Variants in CYRIB observed in about 807,000 individuals in gnomAD.
CYRIB encodes the protein CYFIP-related Rac1 interactor B.
A neutral mutation model predicts 44.2 loss-of-function variants in CYRIB; 8 were observed. The observed-to-expected ratio is 0.18, with a 90% confidence interval of 0.11 to 0.33. CYRIB has a LOEUF of 0.33. Among genes scored for constraint, CYRIB ranks in the 10% least tolerant of loss-of-function variants. The pLI, the probability that CYRIB is intolerant of heterozygous loss-of-function variation, is 1.00. For synonymous variants in CYRIB, 131 were observed against 127.2 expected (o/e 1.03, Z -0.20); for missense variants, 185 against 382.8 (o/e 0.48, Z 4.31).
chr8:129,925,305 C>T (rs576130130), intron 1 of CYRIB, among the ~76,000 whole-genome samples: 34 of 152,122 alleles, frequency 2.2e-4, no homozygotes, highest in Non-Finnish European at 4.0e-4. Flanking sequence ...GGCTGAGGCA[C>T]GAGAATTGCT....
intron 1 of CYRIB, among the ~76,000 whole-genome samples, chr8:129,915,413 T>C (rs1423878692): frequency 6.6e-6 from 1 of 152,166 alleles, no homozygotes; most frequent in Non-Finnish European, 1.5e-5. Flanking sequence ...TGAGTCCTCA[T>C]ATATAAGATT....
chr8:129,853,279 T>G (rs1240271034), intron 7 of CYRIB, among the ~76,000 whole-genome samples: 1 of 152,196 alleles, frequency 6.6e-6, no homozygotes, highest in African/African-American at 2.4e-5. Flanking sequence ...TTTTACATGG[T>G]AGGTATGAAA....
In CYRIB at chr8:129,867,069, G is replaced by A. The variant is rs966101296; in HGVS notation, c.195+4306C>T. ...TTTGGGACGCTGAGACAGAAGGATC[G>A]CTTGAGGCCAGGAGTTCAAGACCAG... On this transcript the variant is annotated intron_variant, in intron 4 of 11. Transcript: ENST00000519824. 2.0e-5 allele frequency among the ~76,000 whole-genome samples: 3 copies of A among 152,138 alleles called. No individual in the cohort carries two copies. In the South Asian group the frequency reaches 6.2e-4, roughly 31 times the overall value.
intron 3 of CYRIB, among the ~76,000 whole-genome samples, chr8:129,873,697 T>C (rs1488170120): frequency 1.3e-5 from 2 of 152,064 alleles, no homozygotes; most frequent in Non-Finnish European, 2.9e-5. Flanking sequence ...GTGTGGTGAC[T>C]AGCTGTTAAC....
At position 129,988,507 on chromosome 8, in the gene CYRIB, G is replaced by A. The variant is rs954882200; in HGVS notation, c.-295-17512C>T. On this transcript the variant is annotated intron_variant, in intron 1 of 14. Transcript: ENST00000401979. ...CCTGACAGGAACAGTGTTTCCGAAT[G>A]TTTAGGAGTCTTAGCAAGCCCACCT... Among the ~76,000 whole-genome samples, 4 of 152,198 alleles carry A rather than the reference G, an allele frequency of 2.6e-5. 1 individual carries two copies. Among genetic ancestry groups the A allele is most frequent in the African/African-American group, 9.7e-5 (4 of 41,434 alleles).
At chr8:129,939,226 G>C (rs1447053833) in intron 1 of CYRIB, among the ~76,000 whole-genome samples, 2 of 151,918 alleles carry the variant, frequency 1.3e-5, no homozygotes, top group Non-Finnish European at 2.9e-5. Flanking sequence ...GGAAGGAGTG[G>C]TGGGAGCCAG....
At chr8:129,998,503 G>A (rs1288719713) in intron 1 of CYRIB, among the ~76,000 whole-genome samples, 2 of 152,196 alleles carry the variant, frequency 1.3e-5, no homozygotes, top group East Asian at 3.8e-4. Context: ...ACAATAATGG[G>A]ACAGGAACCA....
intron 1 of CYRIB, among the ~76,000 whole-genome samples, chr8:129,980,993 A>C (rs919700646): frequency 3.9e-5 from 6 of 151,946 alleles, no homozygotes; most frequent in South Asian, 2.1e-4. Context: ...CAAAAAAAAA[A>C]ACACACACAC....
chr8:129,890,438 T>C (rs1658134787), intron 2 of CYRIB: 1 of 152,214 alleles, frequency 6.6e-6, no homozygotes, highest in South Asian at 2.1e-4. Flanking sequence ...TGTCAGCATT[T>C]TTATCAATAA....
chr8:129,996,962 G>A (rs1008102837), intron 1 of CYRIB, among the ~76,000 whole-genome samples: 2 of 151,124 alleles, frequency 1.3e-5, no homozygotes, highest in South Asian at 2.1e-4. Flanking sequence ...ATATACCAGC[G>A]TGAACACAGG....
chr8:129,906,099 T>C (rs2075235138), intron 1 of CYRIB, among the ~76,000 whole-genome samples: 3 of 152,046 alleles, frequency 2.0e-5, no homozygotes, highest in Non-Finnish European at 4.4e-5. Context: ...TGGAAAAAAC[T>C]ACTTTAAAGT....
chr8:129,929,522 C>T (rs888266061), intron 1 of CYRIB, among the ~76,000 whole-genome samples: 3 of 151,926 alleles, frequency 2.0e-5, no homozygotes, highest in Non-Finnish European at 4.4e-5. Context: ...ATAAAGTATA[C>T]CTCAATAAAA....
chr8:129,923,875 T>C (rs977770862), intron 1 of CYRIB, among the ~76,000 whole-genome samples: 2 of 150,466 alleles, frequency 1.3e-5, no homozygotes, highest in African/African-American at 2.5e-5. Context: ...ATATCTAGTA[T>C]GTACCATGCA....
At chr8:129,932,869 T>TCC (rs1200818848) in intron 1 of CYRIB, among the ~76,000 whole-genome samples, 1 of 152,018 alleles carries the variant, frequency 6.6e-6, no homozygotes, top group Non-Finnish European at 1.5e-5. Context: ...GAATAAAGAC[T>TCC]CCCCCACCTG....
intron 1 of CYRIB, among the ~76,000 whole-genome samples, chr8:130,015,217 T>C (rs1467250789): frequency 2.6e-5 from 4 of 152,132 alleles, no homozygotes; most frequent in South Asian, 2.1e-4. Flanking sequence ...CCGACTCACC[T>C]CTCAAAATTC....
At chr8:129,947,246 GATGGGGTT>G (rs1393830738) in intron 2 of CYRIB, among the ~76,000 whole-genome samples, 1 of 152,106 alleles carries the variant, frequency 6.6e-6, no homozygotes, top group Non-Finnish European at 1.5e-5. Context: ...TTTTAGTAGA[GATGGGGTT>G]TTGCCATGTT....
chr8:129,874,225 G>A (rs2058356789), intron 3 of CYRIB, among the ~76,000 whole-genome samples: 1 of 151,944 alleles, frequency 6.6e-6, no homozygotes, highest in African/African-American at 2.4e-5. Context: ...ATCTACTACT[G>A]AGGGTAGACA....
chr8:129,901,867 ACACACATATTAATGTAAGAAG>A (rs1437829859), intron 2 of CYRIB: 27 of 152,352 alleles, frequency 1.8e-4, no homozygotes, highest in South Asian at 4.1e-4. Context: ...AACATGAGAA[ACACACATATTAATGTAAGAAG>A]CACACATATT....
At chr8:129,847,605 A>G (rs1159558148) in intron 10 of CYRIB, among the ~76,000 whole-genome samples, 2 of 152,240 alleles carry the variant, frequency 1.3e-5, no homozygotes, top group Admixed American at 1.3e-4. Flanking sequence ...ACCTGGAGTT[A>G]TGAGAGGCTG....
Sources: gnomAD v4.1 joint callset for allele counts (sites outside exome capture counted in the v4.1 genomes callset) on GRCh38, gnomAD v4.1.1 for gene constraint, MANE v1.5 for transcripts, NCBI Gene and HGNC (gene_info 2026-07-23, HGNC 2026-07-21) for gene names.